Variants in KIF2A observed in about 807,000 individuals in gnomAD.
KIF2A encodes the protein kinesin family member 2A.
A neutral mutation model predicts 100.2 loss-of-function variants in KIF2A; 22 were observed. That is an observed-to-expected ratio of 0.22 (90% CI 0.16 to 0.31). The LOEUF (loss-of-function observed/expected upper bound fraction) is 0.31. KIF2A is among the 10% of genes least tolerant of loss of function. The probability of loss-of-function intolerance (pLI) is 1.00; values close to 1 mark genes in which losing one functional copy is unlikely to be tolerated. For missense variants in KIF2A, 495 were observed against 898.7 expected, an observed-to-expected ratio of 0.55 and a Z score of 5.74; for synonymous variants, 268 against 285.9, an observed-to-expected ratio of 0.94 and a Z score of 0.63.
chr5:62,312,428 A>C lies in KIF2A; in HGVS notation c.64+5892A>C, dbSNP rs142734862. Among the ~76,000 whole-genome samples, 1,174 of 152,344 alleles carry C rather than the reference A, an allele frequency of 7.7e-3. 5 individuals carry two copies. The highest frequency in any genetic ancestry group is 0.013 in the Non-Finnish European group (877 of 68,032). On this transcript the variant is annotated intron_variant, in intron 1 of 20. Coordinates refer to ENST00000407818, the MANE Select transcript of KIF2A (RefSeq NM_001098511.3). ...CTTTCTAGTCAGAAGTATAGTTGTGATTAATATGACATTAATCTTTTGCAA... is the reference window on the plus strand; with the variant it reads ...CTTTCTAGTCAGAAGTATAGTTGTGCTTAATATGACATTAATCTTTTGCAA...
chr5:62,311,854 A>T (rs986610518), intron 1 of KIF2A: 1 of 152,176 alleles, frequency 6.6e-6, no homozygotes, highest in African/African-American at 2.4e-5. Context: ...CATGTTAGCT[A>T]ATTGGATCTT....
intron 1 of KIF2A, among the ~76,000 whole-genome samples, chr5:62,342,112 A>G (rs977715442): frequency 1.3e-5 from 2 of 152,182 alleles, no homozygotes; most frequent in Non-Finnish European, 2.9e-5. Context: ...TACTTTCTCC[A>G]AAACCTTTGT....
At chr5:62,332,934 A>AT (rs1746729625) in intron 1 of KIF2A, among the ~76,000 whole-genome samples, 1 of 152,228 alleles carries the variant, frequency 6.6e-6, no homozygotes, top group Non-Finnish European at 1.5e-5. Flanking sequence ...CTAAACAAGT[A>AT]TATGAGAGGC....
At chr5:62,314,582 A>C (rs538616822) in intron 1 of KIF2A, among the ~76,000 whole-genome samples, 51 of 152,234 alleles carry the variant, frequency 3.4e-4, no homozygotes, top group African/African-American at 1.1e-3. Context: ...GGGAACTGTA[A>C]GAATCAGGTT....
At chr5:62,323,321 A>G (rs1232950672) in intron 1 of KIF2A, among the ~76,000 whole-genome samples, 2 of 151,930 alleles carry the variant, frequency 1.3e-5, no homozygotes, top group Admixed American at 6.6e-5. Flanking sequence ...AAAAAGGAGA[A>G]TGTTAATCGA....
intron 1 of KIF2A, among the ~76,000 whole-genome samples, chr5:62,345,025 C>CCCGATCT (rs1242555983): frequency 1.2e-4 from 18 of 152,064 alleles, no homozygotes; most frequent in African/African-American, 7.2e-5. Context: ...GTGGGCAGAT[C>CCCGATCT]GCCTGAGGCC....
intron 16 of KIF2A, among the ~76,000 whole-genome samples, chr5:62,370,447 C>G (rs1452667169): frequency 1.2e-4 from 18 of 152,060 alleles, no homozygotes; most frequent in Non-Finnish European, 7.4e-5. Context: ...GCGCCCGTCA[C>G]CACGCCCAGC....
chr5:62,306,849 C>T, intron 1 of KIF2A: 2 of 329,892 alleles, frequency 6.1e-6, no homozygotes, highest in Non-Finnish European at 1.1e-5. Flanking sequence ...CAATCTCCAG[C>T]CCCCCCCCGG....
intron 18 of KIF2A, among the ~76,000 whole-genome samples, chr5:62,377,308 T>C (rs191386371): frequency 2.0e-5 from 3 of 152,310 alleles, no homozygotes; most frequent in Admixed American, 2.0e-4. Context: ...TAGTGAAAAG[T>C]AGACAATACT....
At chr5:62,337,048 T>A (rs1348452352) in intron 1 of KIF2A, among the ~76,000 whole-genome samples, 2 of 146,882 alleles carry the variant, frequency 1.4e-5, no homozygotes, top group Non-Finnish European at 3.0e-5. Context: ...ACTATAATTA[T>A]TAAGGAAATT....
At chr5:62,340,694 T>C (rs962983543) in intron 1 of KIF2A, among the ~76,000 whole-genome samples, 3 of 152,208 alleles carry the variant, frequency 2.0e-5, no homozygotes, top group Non-Finnish European at 4.4e-5. Context: ...ATTTTTCATG[T>C]ATCTTATTAT....
intron 1 of KIF2A, among the ~76,000 whole-genome samples, chr5:62,312,181 C>T (rs924800708): frequency 6.6e-6 from 1 of 152,210 alleles, no homozygotes; most frequent in African/African-American, 2.4e-5. Flanking sequence ...CCACAGAAAG[C>T]CAGGAATCTG....
chr5:62,313,498 A>G (rs947484178), intron 1 of KIF2A, among the ~76,000 whole-genome samples: 1 of 152,084 alleles, frequency 6.6e-6, no homozygotes, highest in African/African-American at 2.4e-5. Flanking sequence ...GATTATAGGC[A>G]TGCGCCAACA....
intron 1 of KIF2A, among the ~76,000 whole-genome samples, chr5:62,324,051 T>A (rs539893208): frequency 5.2e-4 from 79 of 151,784 alleles, no homozygotes; most frequent in Non-Finnish European, 1.0e-3. Context: ...ATAAAATAAA[T>A]AAATAAATAA....
chr5:62,385,762 C>A lies in KIF2A; in HGVS notation c.*193C>A. ...ATGCTTCTAGTCCAGGAGGCACAAC[C>A]AAGAACTGGGATTAATGAAGCATTT... On this transcript the variant is annotated 3_prime_UTR_variant, in exon 21 of 21. Transcript: ENST00000407818. The A allele has an allele frequency of 1.8e-6, 1 of 552,830 alleles. No homozygotes were observed. The highest frequency in any genetic ancestry group is 2.6e-5 in the South Asian group (1 of 38,722). 34.2% of individuals were successfully genotyped at this position (552,830 alleles called of 1,614,324 possible).
At chr5:62,324,412 G>A (rs1302349650) in intron 1 of KIF2A, among the ~76,000 whole-genome samples, 1 of 152,060 alleles carries the variant, frequency 6.6e-6, no homozygotes, top group Non-Finnish European at 1.5e-5. Flanking sequence ...ACAATCCTAA[G>A]CAAAAATAAC....
chr5:62,350,034 GA>G (rs776552308), intron 3 of KIF2A, 31 bp from the exon 4 acceptor site: 103 of 1,479,770 alleles, frequency 7.0e-5, no homozygotes, highest in Admixed American at 5.1e-4. Flanking sequence ...AGTAAAGATA[GA>G]AAACATAATG....
intron 1 of KIF2A, among the ~76,000 whole-genome samples, chr5:62,308,062 A>G (rs946435273): frequency 6.6e-6 from 1 of 152,194 alleles, no homozygotes; most frequent in Non-Finnish European, 1.5e-5. Context: ...TGTTGTGTGT[A>G]TGATATATTG....
chr5:62,326,872 C>T (rs1290267583), intron 1 of KIF2A, among the ~76,000 whole-genome samples: 2 of 152,032 alleles, frequency 1.3e-5, no homozygotes, highest in Non-Finnish European at 2.9e-5. Context: ...TAGCACATGC[C>T]TGTGGTCCTA....
Sources: allele counts gnomAD v4.1 joint callset (sites outside exome capture counted in the v4.1 genomes callset), GRCh38; gene constraint gnomAD v4.1.1; transcripts MANE v1.5; gene names NCBI Gene and HGNC (gene_info 2026-07-23, HGNC 2026-07-21).